Variants in CSMD2 observed in about 807,000 individuals in gnomAD.
The protein encoded by CSMD2 is CUB and Sushi multiple domains 2, also known as CUB and sushi domain-containing protein 2.
In CSMD2, 130 loss-of-function variants were observed where a neutral mutation model predicts 398.5. That is an observed-to-expected ratio of 0.33 (90% CI 0.28 to 0.38). CSMD2 has a LOEUF of 0.38. Among genes scored for constraint, CSMD2 ranks in the 10% least tolerant of loss-of-function variants. The pLI is 1.00. For missense variants in CSMD2, 3,829 were observed against 4,764.9 expected (o/e 0.80, Z 5.78); for synonymous variants, 1,828 against 1,908.5 (o/e 0.96, Z 1.10).
At chr1:34,060,651 C>CTT (rs112747275) in intron 2 of CSMD2, among the ~76,000 whole-genome samples, 18 of 144,660 alleles carry the variant, frequency 1.2e-4, no homozygotes, top group African/African-American at 4.5e-4. Context: ...TCCCTGTTTC[C>CTT]TTTTTTTTTT....
At chr1:34,002,692 G>C (rs1646938467) in intron 3 of CSMD2, among the ~76,000 whole-genome samples, 1 of 152,198 alleles carries the variant, frequency 6.6e-6, no homozygotes, top group Admixed American at 6.5e-5. Context: ...AGCCATTGCT[G>C]ATTGTTTTCA....
At chr1:33,556,813 G>A (rs533252101) in intron 55 of CSMD2, among the ~76,000 whole-genome samples, 5 of 152,232 alleles carry the variant, frequency 3.3e-5, no homozygotes, top group Admixed American at 6.5e-5. Context: ...GGTTTTATAC[G>A]GGGCTTTTCC....
At chr1:33,985,155 G>T (rs757176815) in intron 3 of CSMD2, among the ~76,000 whole-genome samples, 29 of 152,182 alleles carry the variant, frequency 1.9e-4, no homozygotes, top group Admixed American at 3.9e-4. Flanking sequence ...GTCGATGGAG[G>T]GGAAGCTGTC....
intron 37 of CSMD2, among the ~76,000 whole-genome samples, chr1:33,618,333 C>T (rs1641533598): frequency 6.6e-6 from 1 of 152,092 alleles, no homozygotes; most frequent in African/African-American, 2.4e-5. Flanking sequence ...GTCCAGTCCA[C>T]CCTGCACTCA....
chr1:33,694,010 G>T (rs1307458042), intron 24 of CSMD2, among the ~76,000 whole-genome samples: 1 of 152,086 alleles, frequency 6.6e-6, no homozygotes, highest in Non-Finnish European at 1.5e-5. Flanking sequence ...GGTGAACCGA[G>T]ATCGCACCAT....
intron 6 of CSMD2, among the ~76,000 whole-genome samples, chr1:33,833,682 T>C (rs1280538540): frequency 2.0e-5 from 3 of 150,912 alleles, no homozygotes; most frequent in Non-Finnish European, 4.4e-5. Flanking sequence ...AAATAAAGGG[T>C]ATTCAATTAG....
At position 33,559,551 on chromosome 1, in the gene CSMD2, T is replaced by A. The variant is rs1483741741; in HGVS notation, c.8381-78A>T. ...GAATTTATCCACCTCTCACCTGGCA[T>A]CTCTTAGGCCATCAGTGAAGTTCAG... On this transcript the variant is annotated intron_variant, in intron 53 of 70. Coordinates refer to ENST00000373381, the MANE Select transcript of CSMD2 (RefSeq NM_001281956.2). This position sits in a 1 kb window ranked among gnomAD's most constrained non-coding sequence, Gnocchi z 4.0. 1.5e-6 allele frequency: 2 copies of A among 1,298,980 alleles called. No homozygotes were observed. The highest frequency in any genetic ancestry group is 2.9e-5 in the African/African-American group (2 of 68,474). The allele number at this position is 1,298,980 out of a possible 1,614,324, so 80.5% of individuals were successfully genotyped here.
intron 56 of CSMD2, 100 bp downstream of exon 56, chr1:33,550,077 C>G (rs1362939080): frequency 5.7e-6 from 7 of 1,226,870 alleles, no homozygotes; most frequent in Admixed American, 1.9e-5. Context: ...AGGTCTGATT[C>G]CCTCCCATCC....
intron 5 of CSMD2, among the ~76,000 whole-genome samples, chr1:33,910,593 G>A (rs1247265272): frequency 1.3e-5 from 2 of 152,150 alleles, no homozygotes; most frequent in Non-Finnish European, 2.9e-5. Context: ...TGGCTACACT[G>A]GTATTGAGGG....
At chr1:34,040,560 T>G (rs780489420) in intron 2 of CSMD2, among the ~76,000 whole-genome samples, 61 of 152,214 alleles carry the variant, frequency 4.0e-4, no homozygotes, top group Non-Finnish European at 8.2e-4. Context: ...TGTGTATTTC[T>G]AAATGAATGG....
chr1:33,652,899 C>G, intron 27 of CSMD2, among the ~76,000 whole-genome samples: 1 of 152,114 alleles, frequency 6.6e-6, no homozygotes, highest in East Asian at 1.9e-4. Flanking sequence ...GGACTACAGG[C>G]GCCCGCCACC....
At chr1:33,562,029 A>G (rs550745354) in intron 53 of CSMD2, among the ~76,000 whole-genome samples, 12 of 152,274 alleles carry the variant, frequency 7.9e-5, no homozygotes, top group African/African-American at 2.6e-4. Flanking sequence ...GAAAAAACCT[A>G]TAGGAAACTG....
intron 68 of CSMD2, 103 bp from the exon 69 acceptor site, chr1:33,520,053 CAG>C: frequency 1.5e-6 from 2 of 1,372,110 alleles, no homozygotes; most frequent in South Asian, 1.3e-5. Flanking sequence ...GGCTGCCACT[CAG>C]GGTGCTCCTC....
chr1:33,855,602 G>A (rs1287006820), intron 5 of CSMD2, among the ~76,000 whole-genome samples: 1 of 152,136 alleles, frequency 6.6e-6, no homozygotes, highest in Non-Finnish European at 1.5e-5. Context: ...GAATCTAAGA[G>A]CAGTCTCCAC....
chr1:34,087,982 G>A (rs930220678), intron 2 of CSMD2, among the ~76,000 whole-genome samples: 2 of 151,890 alleles, frequency 1.3e-5, no homozygotes, highest in Admixed American at 6.6e-5. Flanking sequence ...GGCCCCAGAT[G>A]CCCCCCCGCC....
chr1:33,519,502 CG>C lies in CSMD2; in HGVS notation c.*15del. 2.5e-6 allele frequency: 4 copies of C among 1,608,962 alleles called. No homozygotes were observed. Among genetic ancestry groups the C allele is most frequent in the Non-Finnish European group, 3.4e-6 (4 of 1,178,130 alleles). On this transcript the variant is annotated 3_prime_UTR_variant, in exon 70 of 71. Transcript: ENST00000373381. The surrounding 1 kb of genome is among the most constrained non-coding windows in gnomAD (Gnocchi z 5.6). ...GCGGGGCTCTCGGTGGCGGTGGTGG[CG>C]GCCAGGCCGGGTGGCTATACTGCTG...
At chr1:33,852,055 C>G (rs1407586990) in intron 5 of CSMD2, among the ~76,000 whole-genome samples, 3 of 152,122 alleles carry the variant, frequency 2.0e-5, no homozygotes, top group Non-Finnish European at 4.4e-5. Flanking sequence ...TCTGAACAAA[C>G]CAAAGCTTTC....
At chr1:33,982,788 G>A (rs1218219866) in intron 3 of CSMD2, among the ~76,000 whole-genome samples, 1 of 152,182 alleles carries the variant, frequency 6.6e-6, no homozygotes, top group Non-Finnish European at 1.5e-5. Flanking sequence ...CCTTGGTGGA[G>A]CACAGGGCAC....
intron 3 of CSMD2, among the ~76,000 whole-genome samples, chr1:33,981,089 A>T (rs963176731): frequency 6.6e-6 from 1 of 152,120 alleles, no homozygotes; most frequent in Admixed American, 6.5e-5. Flanking sequence ...GTTGGGAGAG[A>T]GGAGAAAGTG....
Sources: allele counts gnomAD v4.1 joint callset (sites outside exome capture counted in the v4.1 genomes callset), GRCh38; gene constraint gnomAD v4.1.1; non-coding constraint Gnocchi (gnomAD v3.1); transcripts MANE v1.5; gene names NCBI Gene and HGNC (gene_info 2026-07-23, HGNC 2026-07-21).